The following OSCAR variants were observed in gnomAD, a reference collection of about 807,000 sequenced individuals.
The protein encoded by OSCAR is osteoclast associated Ig-like receptor.
A neutral mutation model predicts 27.3 loss-of-function variants in OSCAR; 25 were observed. The ratio of observed to expected loss-of-function variants is 0.92; its 90% CI spans 0.67 to 1.28. The LOEUF (loss-of-function observed/expected upper bound fraction) is 1.28. Ranked by LOEUF, OSCAR falls within the 50% of genes most tolerant of loss-of-function variation. The pLI, the probability that OSCAR is intolerant of heterozygous loss-of-function variation, is 0.00. For synonymous variants in OSCAR, 158 were observed against 165.7 expected (o/e 0.95, Z 0.36); for missense variants, 354 against 355.1 (o/e 1.00, Z 0.03).
chr19:54,100,349 G>C (rs962122951), intron 1 of OSCAR, among the ~76,000 whole-genome samples: 1 of 152,062 alleles, frequency 6.6e-6, no homozygotes, highest in African/African-American at 2.4e-5. Flanking sequence ...ACCTTTCCAG[G>C]GAACAATGAT....
chr19:54,099,420 A>T (rs1262163772), intron 2 of OSCAR, among the ~76,000 whole-genome samples: 2 of 151,812 alleles, frequency 1.3e-5, no homozygotes, highest in African/African-American at 4.8e-5. Flanking sequence ...GGTTTTGCAC[A>T]TGTGATTTGA....
At chr19:54,100,174 A>C (rs1943135361) in intron 1 of OSCAR, among the ~76,000 whole-genome samples, 3 of 152,092 alleles carry the variant, frequency 2.0e-5, no homozygotes, top group South Asian at 4.1e-4. Flanking sequence ...GTAACCCAGG[A>C]ATCTGAGTTC....
At position 54,095,331 on chromosome 19, in the gene OSCAR, C is replaced by A. The variant is rs1471169480; in HGVS notation, c.682G>T (p.Gly228Trp). ...GCCAGCCCCAGGCGGACTAGGTTCC[C>A]CCGGGTGTAGTCGGAGGAGCCAGAG... Reference protein sequence around the residue: ...EDSGSSDYTRGNLVRLGLAGL... With the variant: ...EDSGSSDYTRWNLVRLGLAGL... The change falls in exon 5 of 5, where the codon GGG (glycine) becomes TGG (tryptophan). Residue 228 changes from glycine to tryptophan, a missense_variant. Gly to Trp is a radical substitution (Grantham distance 184). Coordinates refer to ENST00000358375, the MANE Select transcript of OSCAR (RefSeq NM_133169.6). The A allele has an allele frequency of 6.4e-7, 1 of 1,573,490 alleles. No homozygotes were observed. The highest frequency in any genetic ancestry group is 1.8e-5 in the Admixed American group (1 of 54,102).
At chr19:54,095,747 C>G (rs2072621361) in intron 4 of OSCAR, 125 bp downstream of exon 4, 1 of 1,431,022 alleles carries the variant, frequency 7.0e-7, no homozygotes, top group Non-Finnish European at 9.4e-7. Context: ...GGAGGGGCTG[C>G]AGGACTAGAC....
chr19:54,099,067 GT>G (rs1292679023), intron 2 of OSCAR, among the ~76,000 whole-genome samples: 8 of 150,734 alleles, frequency 5.3e-5, no homozygotes, highest in African/African-American at 2.0e-4. Flanking sequence ...TTTTTTGTTT[GT>G]TTGTTTGTTT....
At chr19:54,099,830 T>C (rs2072953906) in intron 1 of OSCAR, 50 bp from the exon 2 acceptor site, 1 of 1,576,484 alleles carries the variant, frequency 6.3e-7, no homozygotes, top group African/African-American at 1.4e-5. Flanking sequence ...TTTTTTTGTC[T>C]GAGGCAGAGT....
rs1420654293 is a variant in OSCAR, at chr19:54,096,288, G to C, written c.374-135C>G. On this transcript the variant is annotated intron_variant, in intron 3 of 4. Coordinates refer to ENST00000358375, the MANE Select transcript of OSCAR (RefSeq NM_133169.6). Reference sequence around the variant, plus strand: ...TTTCTGCCTCTCTTTCTCTCTGCCTGTCTCTCTCTCTGTCTGCCTCTCTCT... The same window carrying C: ...TTTCTGCCTCTCTTTCTCTCTGCCTCTCTCTCTCTCTGTCTGCCTCTCTCT... 88 of 801,132 alleles carry C rather than the reference G, an allele frequency of 1.1e-4. No individual in the cohort carries two copies. In the East Asian group the frequency reaches 2.4e-3, roughly 22 times the overall value. 49.6% of individuals were successfully genotyped at this position (801,132 alleles called of 1,614,324 possible).
chr19:54,099,291 C>G (rs2146306765), intron 2 of OSCAR, among the ~76,000 whole-genome samples: 1 of 129,256 alleles, frequency 7.7e-6, no homozygotes, highest in Admixed American at 9.1e-5. Flanking sequence ...CCAGGATGAT[C>G]TCGATCTGAC....
In OSCAR at chr19:54,098,233, G is replaced by A. The variant is rs185131324; in HGVS notation, c.71-1069C>T. ...AAACTAGAGGACAAATGATAGTACT[G>A]GCAGATATCACTTATTCACAAATCA... On this transcript the variant is annotated intron_variant, in intron 2 of 4. Transcript: ENST00000358375. Among the ~76,000 whole-genome samples, 5 of 152,184 alleles carry A rather than the reference G, an allele frequency of 3.3e-5. No individual in the cohort carries two copies. The East Asian group carries it at 9.7e-4, about 29-fold the overall frequency.
intron 2 of OSCAR, among the ~76,000 whole-genome samples, chr19:54,099,158 G>A (rs996282161): frequency 6.7e-6 from 1 of 148,888 alleles, no homozygotes; most frequent in East Asian, 2.1e-4. Context: ...TGCCTCCTGG[G>A]TTCAAGCGAT....
At chr19:54,096,552 G>C (rs1421300798) in intron 3 of OSCAR, among the ~76,000 whole-genome samples, 18 of 67,622 alleles carry the variant, frequency 2.7e-4, no homozygotes, top group Admixed American at 1.4e-3. Context: ...CTCTCTCTCT[G>C]CCTCCCTCTC....
At position 54,096,928 on chromosome 19, in the gene OSCAR, G is replaced by C. The variant is rs143325605; in HGVS notation, c.307C>G (p.Arg103Gly). 10 of 1,614,042 alleles carry C rather than the reference G, an allele frequency of 6.2e-6. No individual in the cohort carries two copies. The highest frequency in any genetic ancestry group is 2.7e-5 in the African/African-American group (2 of 74,916). ...AQGGSYRCCYRRPDWGPGVWS... is the reference protein window; with the variant it reads ...AQGGSYRCCYGRPDWGPGVWS... ...ACACCCGGCCCCCAGTCTGGCCTTCGGTAGCAGCAGCGGTAACTTCCCCCT... is the reference window on the plus strand; with the variant it reads ...ACACCCGGCCCCCAGTCTGGCCTTCCGTAGCAGCAGCGGTAACTTCCCCCT... Residue 103 changes from arginine (R) to glycine (G), a missense_variant, in exon 3 of 5, where the codon CGA becomes GGA. Coordinates refer to ENST00000358375, the MANE Select transcript of OSCAR (RefSeq NM_133169.6).
rs765421818 is a variant in OSCAR at position 54,096,399 on chromosome 19, CCT to C, written c.374-248_374-247del. 6.7e-4 allele frequency among the ~76,000 whole-genome samples: 74 copies of C among 110,194 alleles called. 1 individual carries two copies. Among genetic ancestry groups the C allele is most frequent in the African/African-American group, 1.9e-3 (50 of 26,592 alleles). 72.3% of individuals were successfully genotyped at this position (110,194 alleles called of 152,430 possible). A position where few individuals can be genotyped will look rare whatever the true frequency, so the allele number is the denominator to read the frequency against. ...CTCTGCCTCCCTCTCTCTCTGCCTC[CCT>C]CTCTCTCTGCCTCCCTCTCTCTCTG... On this transcript the variant is annotated intron_variant, in intron 3 of 4. Coordinates refer to ENST00000358375, the MANE Select transcript of OSCAR (RefSeq NM_133169.6).
chr19:54,099,262 C>T (rs1192181679), intron 2 of OSCAR, among the ~76,000 whole-genome samples: 5 of 88,032 alleles, frequency 5.7e-5, no homozygotes, highest in South Asian at 7.1e-4. Flanking sequence ...TTAGTAGAGA[C>T]GGGGTTTCAC....
intron 2 of OSCAR, among the ~76,000 whole-genome samples, chr19:54,097,584 CTTTTTTTTTTTTTTTT>C (rs33998262): frequency 2.7e-5 from 1 of 37,422 alleles, no homozygotes; most frequent in Admixed American, 3.8e-4. Flanking sequence ...CACACCCAGA[CTTTTTTTTTTTTTTTT>C]TTTTTTTTTT....
At chr19:54,100,562 C>T (rs1224091155) in intron 1 of OSCAR, among the ~76,000 whole-genome samples, 194 bp downstream of exon 1, 2 of 152,208 alleles carry the variant, frequency 1.3e-5, no homozygotes, top group Admixed American at 6.5e-5. Context: ...CTGTCCCCAC[C>T]TCCTTCCTCT....
intron 2 of OSCAR, 160 bp downstream of exon 2, chr19:54,099,588 A>AC: frequency 6.2e-7 from 1 of 1,604,876 alleles, no homozygotes; most frequent in African/African-American, 1.3e-5. Context: ...TTCAGTACTC[A>AC]CCTATAATGG....
At position 54,095,940 on chromosome 19, in the gene OSCAR, T is replaced by C; in HGVS notation, c.587A>G (p.Tyr196Cys). ...GTAGGGCGCGGAGGGCGTGTGATAG[T>C]AGCAGCTGTAGGTGCCGGGGGCGCG... ...GARAPGTYSCYYHTPSAPYVL... is the reference protein window; with the variant it reads ...GARAPGTYSCCYHTPSAPYVL... Residue 196 changes from tyrosine to cysteine, a missense_variant, in exon 4 of 5, where the codon TAC (tyrosine) becomes TGC (cysteine). Physicochemically the swap from Tyr to Cys is radical, Grantham distance 194. Coordinates refer to ENST00000358375, the MANE Select transcript of OSCAR (RefSeq NM_133169.6). 6.3e-7 allele frequency: 1 copy of C among 1,587,980 alleles called. No individual in the cohort carries two copies. The highest frequency in any genetic ancestry group is 8.6e-7 in the Non-Finnish European group (1 of 1,167,580).
intron 1 of OSCAR, 39 bp downstream of exon 1, chr19:54,100,717 C>G: frequency 6.5e-7 from 1 of 1,547,954 alleles, no homozygotes; most frequent in East Asian, 2.4e-5. Flanking sequence ...TGCCCCCAAC[C>G]CCAGCCAGGA....
Sources: allele counts gnomAD v4.1 joint callset (sites outside exome capture counted in the v4.1 genomes callset), GRCh38; gene constraint gnomAD v4.1.1; transcripts MANE v1.5; gene names NCBI Gene and HGNC (gene_info 2026-07-23, HGNC 2026-07-21).